NCOA2: variants seen among roughly 807,000 people sequenced by gnomAD.
The protein encoded by NCOA2 is class E basic helix-loop-helix protein 75.
Under a neutral mutation model 145.1 loss-of-function variants are expected in NCOA2, and 21 were observed. The observed-to-expected ratio is 0.14, with a 90% CI of 0.10 to 0.21. The LOEUF is 0.21. Among genes scored for constraint, NCOA2 ranks in the 10% least tolerant of loss-of-function variants. The pLI, the probability that NCOA2 is intolerant of heterozygous loss-of-function variation, is 1.00. For synonymous variants in NCOA2, 619 were observed against 637.5 expected, an observed-to-expected ratio of 0.97 and a Z score of 0.44; for missense variants, 1,472 against 1,837.6, an observed-to-expected ratio of 0.80 and a Z score of 3.64.
intron 2 of NCOA2, among the ~76,000 whole-genome samples, chr8:70,234,402 G>A (rs1376592776): frequency 6.6e-6 from 1 of 152,082 alleles, no homozygotes; most frequent in African/African-American, 2.4e-5. Context: ...GAGTCATATG[G>A]TAACTCTATG....
At chr8:70,159,215 T>C (rs1221494566) in intron 10 of NCOA2, among the ~76,000 whole-genome samples, 2 of 111,894 alleles carry the variant, frequency 1.8e-5, no homozygotes, top group South Asian at 2.6e-4. Context: ...AATAATACAG[T>C]ATAACATTAT....
the NCOA2 span, among the ~76,000 whole-genome samples, chr8:70,412,666 A>G: frequency 6.7e-6 from 1 of 149,572 alleles, no homozygotes; most frequent in Non-Finnish European, 1.5e-5. Context: ...AAAAAAAAAA[A>G]AAAAACTAGA....
intron 1 of NCOA2, among the ~76,000 whole-genome samples, chr8:70,310,371 T>G (rs1306966615): frequency 1.4e-5 from 2 of 144,888 alleles, no homozygotes; most frequent in Admixed American, 1.4e-4. Flanking sequence ...AAAAAAAATC[T>G]CATAGAGTGA....
rs565310369 is a variant in NCOA2, at chr8:70,165,024, T to C, written c.731-1458A>G. ...CCATGGCTCAGAAACCCTGTGCTTA[T>C]GCTATACTGTGTTAACTTAACATAG... On this transcript the variant is annotated intron_variant, in intron 7 of 22. Transcript: ENST00000452400. 7.9e-5 allele frequency among the ~76,000 whole-genome samples: 12 copies of C among 152,334 alleles called. No homozygotes were observed. The East Asian group carries it at 1.9e-3, about 25-fold the overall frequency.
the NCOA2 span, among the ~76,000 whole-genome samples, chr8:70,447,706 A>C: frequency 1.3e-5 from 1 of 76,104 alleles, no homozygotes; most frequent in African/African-American, 9.1e-5. Context: ...TTTTTCTGAG[A>C]CAGGGTCTCA....
At chr8:70,347,068 G>T (rs899369694) in intron 1 of NCOA2, among the ~76,000 whole-genome samples, 4 of 152,036 alleles carry the variant, frequency 2.6e-5, no homozygotes, top group African/African-American at 9.7e-5. Flanking sequence ...TTCATTCTAT[G>T]GATTAAGGAA....
chr8:70,299,171 G>T (rs930630154), intron 1 of NCOA2, among the ~76,000 whole-genome samples: 1 of 152,054 alleles, frequency 6.6e-6, no homozygotes, highest in Non-Finnish European at 1.5e-5. Context: ...TAAACAAAAA[G>T]AATAAAATAC....
intron 12 of NCOA2, among the ~76,000 whole-genome samples, chr8:70,146,073 C>T (rs1298838403): frequency 1.3e-5 from 2 of 152,190 alleles, no homozygotes; most frequent in African/African-American, 4.8e-5. Flanking sequence ...CAAACCTATA[C>T]ATACATGGTT....
At chr8:70,316,996 G>C (rs1189130359) in intron 1 of NCOA2, among the ~76,000 whole-genome samples, 2 of 152,136 alleles carry the variant, frequency 1.3e-5, no homozygotes, top group Non-Finnish European at 2.9e-5. Context: ...TGATCTCTGC[G>C]TGGAGCCCCT....
chr8:70,209,994 T>C (rs933773710), intron 4 of NCOA2, among the ~76,000 whole-genome samples: 7 of 152,186 alleles, frequency 4.6e-5, no homozygotes, highest in Non-Finnish European at 1.0e-4. Flanking sequence ...TTCTAAGTTA[T>C]AGAAGAGAGA....
intron 2 of NCOA2, among the ~76,000 whole-genome samples, chr8:70,257,967 G>C (rs747367297): frequency 3.3e-5 from 5 of 151,870 alleles, no homozygotes; most frequent in Non-Finnish European, 7.4e-5. Context: ...ACCCAGGCTG[G>C]AGTACAGTGG....
intron 2 of NCOA2, among the ~76,000 whole-genome samples, chr8:70,291,237 G>A (rs906844591): frequency 6.6e-6 from 1 of 152,174 alleles, no homozygotes; most frequent in African/African-American, 2.4e-5. Flanking sequence ...TTCTAGTACA[G>A]AAAGCATAGC....
At chr8:70,216,987 AC>A (rs1228190077) in intron 2 of NCOA2, among the ~76,000 whole-genome samples, 1 of 152,198 alleles carries the variant, frequency 6.6e-6, no homozygotes, top group East Asian at 1.9e-4. Flanking sequence ...TAAGAAACAA[AC>A]AAGCCTACCT....
intron 1 of NCOA2, among the ~76,000 whole-genome samples, chr8:70,379,664 T>C (rs1812010521): frequency 6.6e-6 from 1 of 152,162 alleles, no homozygotes; most frequent in African/African-American, 2.4e-5. Context: ...AGTCATCTTT[T>C]TGCCCATTCA....
chr8:70,127,203 T>C lies in NCOA2; in HGVS notation c.3682-156A>G, dbSNP rs16936740. Among the ~76,000 whole-genome samples, 944 of 152,306 alleles carry C rather than the reference T, an allele frequency of 6.2e-3. 8 individuals are homozygous for C. Among genetic ancestry groups the C allele is most frequent in the African/African-American group, 0.022 (910 of 41,578 alleles). On this transcript the variant is annotated intron_variant, in intron 18 of 22. Transcript: ENST00000452400. Reference sequence around the variant, plus strand: ...AAGGAATGACTCAGAGTTGAACAACTAGTGATTGAGAACATGAGCTTCTAA... The same window carrying C: ...AAGGAATGACTCAGAGTTGAACAACCAGTGATTGAGAACATGAGCTTCTAA...
At chr8:70,157,992 T>C (rs535904280) in intron 10 of NCOA2, among the ~76,000 whole-genome samples, 5 of 152,360 alleles carry the variant, frequency 3.3e-5, no homozygotes, top group African/African-American at 1.2e-4. Flanking sequence ...CAAGATGATT[T>C]TGCAAGTTCT....
chr8:70,425,935 G>A, the NCOA2 span, among the ~76,000 whole-genome samples: 2 of 152,120 alleles, frequency 1.3e-5, no homozygotes, highest in African/African-American at 4.8e-5. Context: ...ACAGGCCTAA[G>A]GCACAATCAG....
intron 2 of NCOA2, among the ~76,000 whole-genome samples, chr8:70,282,107 TG>T (rs1469160561): frequency 9.9e-5 from 15 of 152,258 alleles, no homozygotes; most frequent in African/African-American, 3.6e-4. Flanking sequence ...AACAAATTAG[TG>T]TGTACATATA....
At chr8:70,271,868 C>T (rs928610914) in intron 2 of NCOA2, among the ~76,000 whole-genome samples, 4 of 152,308 alleles carry the variant, frequency 2.6e-5, no homozygotes, top group Admixed American at 1.3e-4. Context: ...TTCCTTTGCT[C>T]CTGAATCACA....
Sources: gnomAD v4.1 joint callset for allele counts (sites outside exome capture counted in the v4.1 genomes callset) on GRCh38, gnomAD v4.1.1 for gene constraint, MANE v1.5 for transcripts, NCBI Gene and HGNC (gene_info 2026-07-23, HGNC 2026-07-21) for gene names.